The following DOK7 variants were observed in gnomAD, a reference collection of about 807,000 sequenced individuals.
The protein encoded by DOK7 is protein Dok-7.
In DOK7, 32 loss-of-function variants were observed where a neutral mutation model predicts 30.7. The ratio of observed to expected loss-of-function variants is 1.04; its 90% CI spans 0.79 to 1.40. The LOEUF is 1.40. Among genes scored for constraint, DOK7 ranks in the 40% most tolerant of loss-of-function variants. The pLI, the probability that DOK7 is intolerant of heterozygous loss-of-function variation, is 0.00. For synonymous variants in DOK7, 447 were observed against 324.1 expected, an observed-to-expected ratio of 1.38 and a Z score of -4.07; for missense variants, 1,007 against 699.2, an observed-to-expected ratio of 1.44 and a Z score of -4.97.
downstream of DOK7, among the ~76,000 whole-genome samples, chr4:3,497,716 G>C (rs898054376): frequency 6.6e-6 from 1 of 151,998 alleles, no homozygotes; most frequent in Non-Finnish European, 1.5e-5. Flanking sequence ...GAGGCGCCCA[G>C]GCAGGCCTGG....
chr4:3,495,796 A>C (rs3993723), downstream of DOK7, among the ~76,000 whole-genome samples: 85,152 of 151,870 alleles, frequency 0.56, 24,849 homozygotes, highest in East Asian at 0.92. Flanking sequence ...GCCTGCCCCC[A>C]CCGGGAGCAG....
At chr4:3,476,889 G>T (rs896608625) in intron 4 of DOK7, among the ~76,000 whole-genome samples, 6 of 152,264 alleles carry the variant, frequency 3.9e-5, no homozygotes, top group Admixed American at 6.5e-5. Flanking sequence ...TTTAGCAGTG[G>T]GGAGTGTGAG....
chr4:3,470,744 A>C (rs911188219), intron 2 of DOK7, among the ~76,000 whole-genome samples: 3 of 152,186 alleles, frequency 2.0e-5, no homozygotes, highest in Non-Finnish European at 4.4e-5. Flanking sequence ...GCTGCTTTCC[A>C]GCTAAGTATG....
intron 6 of DOK7, among the ~76,000 whole-genome samples, chr4:3,499,850 G>C (rs959220356): frequency 2.6e-5 from 4 of 152,032 alleles, no homozygotes; most frequent in African/African-American, 9.7e-5. Context: ...GCCCGGGAGG[G>C]TTAGGTAGAG....
chr4:3,483,601 C>T (rs1727570566), intron 4 of DOK7, among the ~76,000 whole-genome samples: 1 of 152,216 alleles, frequency 6.6e-6, no homozygotes, highest in African/African-American at 2.4e-5. Flanking sequence ...GTGAGTGACG[C>T]TCCGCAGACG....
intron 4 of DOK7, among the ~76,000 whole-genome samples, chr4:3,481,440 AG>A (rs369480280): frequency 2.0e-5 from 3 of 150,446 alleles, no homozygotes; most frequent in Admixed American, 6.6e-5. Context: ...CGGCCCGGGA[AG>A]GGGGGGCCTT....
chr4:3,473,666 G>T, intron 3 of DOK7, 30 bp downstream of exon 3: 2 of 1,516,474 alleles, frequency 1.3e-6, no homozygotes, highest in African/African-American at 1.4e-5. Flanking sequence ...GCCGGGCGGG[G>T]GCTCCCCGTT....
intron 6 of DOK7, among the ~76,000 whole-genome samples, chr4:3,490,187 CACTCATT>C (rs1728161660): frequency 5.1e-5 from 3 of 58,708 alleles, no homozygotes; most frequent in Non-Finnish European, 9.6e-5. Flanking sequence ...CCGCCCCCCC[CACTCATT>C]CCTTCCCCCC....
intron 6 of DOK7, among the ~76,000 whole-genome samples, chr4:3,492,222 C>G (rs1166132002): frequency 3.3e-5 from 5 of 151,992 alleles, no homozygotes; most frequent in East Asian, 1.9e-4. Flanking sequence ...GGGAGGGAGA[C>G]TGGGAGTGAG....
chr4:3,472,539 C>A (rs1021152503), intron 2 of DOK7, among the ~76,000 whole-genome samples: 4 of 152,226 alleles, frequency 2.6e-5, no homozygotes, highest in African/African-American at 9.6e-5. Context: ...CTTCCTGCGC[C>A]GTCCTCTCTG....
At chr4:3,486,947 A>G (rs569722586) in intron 5 of DOK7, among the ~76,000 whole-genome samples, 10 of 152,102 alleles carry the variant, frequency 6.6e-5, no homozygotes, top group Non-Finnish European at 1.0e-4. Context: ...GGAAGCAGGG[A>G]AGCAGTACTG....
chr4:3,494,006 C>A lies in DOK7; in HGVS notation c.*505C>A. The A allele has an allele frequency of 1.0e-6, 1 of 992,872 alleles. No individual in the cohort carries two copies. The highest frequency in any genetic ancestry group is 1.2e-6 in the Non-Finnish European group (1 of 835,408). 61.5% of individuals were successfully genotyped at this position (992,872 alleles called of 1,614,324 possible). On this transcript the variant is annotated 3_prime_UTR_variant, in exon 7 of 7. Transcript: ENST00000340083. ...CCACCAGCCCAGCCCCCCTGGGCTCCGTGTGCGCTGGGCCTCATCCCCATC... is the reference window on the plus strand; with the variant it reads ...CCACCAGCCCAGCCCCCCTGGGCTCAGTGTGCGCTGGGCCTCATCCCCATC...
rs1270045132 is a variant in DOK7, at chr4:3,493,914, C to T, written c.*413C>T. ...CGGGGGTGGCCGGTTCTCCCCATCA[C>T]CTCTCTGGGGCAGTCACACCACCTG... On this transcript the variant is annotated 3_prime_UTR_variant, in exon 7 of 7. Coordinates refer to ENST00000340083, the MANE Select transcript of DOK7 (RefSeq NM_173660.5). The T allele has an allele frequency of 4.8e-6, 5 of 1,051,246 alleles. No individual in the cohort carries two copies. The highest frequency in any genetic ancestry group is 3.7e-5 in the South Asian group (1 of 26,848). The allele number at this position is 1,051,246 out of a possible 1,614,324, so 65.1% of individuals were successfully genotyped here. A position where few individuals can be genotyped will look rare whatever the true frequency, so the allele number is the denominator to read the frequency against.
rs554541783 is a variant in DOK7, at chr4:3,469,008, GTA to G, written c.101-4396_101-4395del. ...TGTGTATGCATGTGTGAGTGTGCGT[GTA>G]TGAGTGTGTGTGCCTGTGTATGTGT... On this transcript the variant is annotated intron_variant, in intron 2 of 6. Transcript: ENST00000340083. Among the ~76,000 whole-genome samples the G allele has an allele frequency of 2.7e-3, 411 of 150,198 alleles. 1 individual carries two copies. In the Middle Eastern group the frequency reaches 0.039, roughly 14 times the overall value.
chr4:3,492,108 G>T (rs145756412), intron 6 of DOK7, among the ~76,000 whole-genome samples: 1 of 152,218 alleles, frequency 6.6e-6, no homozygotes, highest in African/African-American at 2.4e-5. Flanking sequence ...GCTTAGAGAC[G>T]CAGCAGAGAT....
At chr4:3,478,195 C>T (rs995362295) in intron 4 of DOK7, among the ~76,000 whole-genome samples, 1 of 152,200 alleles carries the variant, frequency 6.6e-6, no homozygotes, top group Admixed American at 6.5e-5. Context: ...AGCCGGGGCA[C>T]AGCAGGAGGA....
intron 6 of DOK7, among the ~76,000 whole-genome samples, chr4:3,491,330 ATTCC>A (rs1271211392): frequency 6.3e-5 from 3 of 47,922 alleles, no homozygotes; most frequent in East Asian, 1.1e-3. Flanking sequence ...CTGCTCATTC[ATTCC>A]TTCCTTCTTC....
At chr4:3,489,645 A>G (rs1224899162) in intron 5 of DOK7, 32 bp from the exon 6 acceptor site, 1 of 1,558,746 alleles carries the variant, frequency 6.4e-7, no homozygotes, top group Admixed American at 1.9e-5. Flanking sequence ...GGTGGTGGCC[A>G]CCTCCTCCAC....
chr4:3,492,568 G>GGAGTGGAT (rs1384972637), intron 6 of DOK7, among the ~76,000 whole-genome samples, 191 bp from the exon 7 acceptor site: 2 of 152,170 alleles, frequency 1.3e-5, no homozygotes, highest in African/African-American at 4.8e-5. Context: ...ACAAAGAACA[G>GGAGTGGAT]GAGTGGATGA....
Sources: allele counts gnomAD v4.1 joint callset (sites outside exome capture counted in the v4.1 genomes callset), GRCh38; gene constraint gnomAD v4.1.1; transcripts MANE v1.5; gene names NCBI Gene and HGNC (gene_info 2026-07-23, HGNC 2026-07-21).